ADAM10: variants seen among roughly 807,000 people sequenced by gnomAD.
The protein encoded by ADAM10 is ADAM metallopeptidase domain 10.
In ADAM10, 17 loss-of-function variants were observed where a neutral mutation model predicts 90.1. That is an observed-to-expected ratio of 0.19 (90% CI 0.13 to 0.28). The LOEUF (loss-of-function observed/expected upper bound fraction) is 0.28. Ranked by LOEUF, ADAM10 falls within the 10% of genes least tolerant of loss-of-function variation. The probability of loss-of-function intolerance (pLI) is 1.00; values close to 1 mark genes in which losing one functional copy is unlikely to be tolerated. For synonymous variants in ADAM10, 310 were observed against 298.6 expected, an observed-to-expected ratio of 1.04 and a Z score of -0.40; for missense variants, 610 against 914.3, an observed-to-expected ratio of 0.67 and a Z score of 4.29.
intron 1 of ADAM10, among the ~76,000 whole-genome samples, chr15:58,739,127 T>A (rs1432768588): frequency 6.6e-6 from 1 of 152,134 alleles, no homozygotes; most frequent in African/African-American, 2.4e-5. Flanking sequence ...GGCCTACTGC[T>A]CCTAGAGATC....
chr15:58,639,739 G>A (rs1001313556), intron 8 of ADAM10, among the ~76,000 whole-genome samples: 1 of 151,912 alleles, frequency 6.6e-6, no homozygotes, highest in Non-Finnish European at 1.5e-5. Flanking sequence ...TAAAAGTATT[G>A]ACTTAAGATA....
At chr15:58,602,593 G>T (rs888448255) in intron 14 of ADAM10, among the ~76,000 whole-genome samples, 22 of 152,022 alleles carry the variant, frequency 1.4e-4, no homozygotes, top group African/African-American at 4.4e-4. Context: ...ATAAAAAAGG[G>T]AAAGAGATAT....
At position 58,685,578 on chromosome 15, in the gene ADAM10, A is replaced by G. The variant is rs866713314; in HGVS notation, c.207-3264T>C. On this transcript the variant is annotated intron_variant, in intron 2 of 15. Coordinates refer to ENST00000260408, the MANE Select transcript of ADAM10 (RefSeq NM_001110.4). ...TATATATATATATATATATATATAT[A>G]TATATGTATATATACATATCTCCAC... is the stretch of plus-strand genomic sequence containing the variant. 6.9e-4 allele frequency among the ~76,000 whole-genome samples: 97 copies of G among 139,652 alleles called. No individual in the cohort carries two copies. The Middle Eastern group carries it at 0.015, about 21-fold the overall frequency. The allele number at this position is 139,652 out of a possible 152,430, so 91.6% of individuals were successfully genotyped here.
intron 2 of ADAM10, among the ~76,000 whole-genome samples, chr15:58,697,628 T>A (rs1353984885): frequency 6.6e-6 from 1 of 152,114 alleles, no homozygotes; most frequent in Non-Finnish European, 1.5e-5. Context: ...ACAGACCACC[T>A]GGGAAACAGA....
chr15:58,734,116 T>C (rs1008849766), intron 1 of ADAM10, among the ~76,000 whole-genome samples: 1 of 152,330 alleles, frequency 6.6e-6, no homozygotes, highest in Admixed American at 6.5e-5. Context: ...TCCTAATTTC[T>C]TAAATGTACC....
At chr15:58,664,548 G>C (rs1897035257) in intron 5 of ADAM10, among the ~76,000 whole-genome samples, 1 of 151,908 alleles carries the variant, frequency 6.6e-6, no homozygotes, top group African/African-American at 2.4e-5. Flanking sequence ...CTTTTAGAAA[G>C]GATGTCCAAA....
intron 3 of ADAM10, among the ~76,000 whole-genome samples, chr15:58,679,668 G>A (rs1258727658): frequency 2.6e-5 from 4 of 152,158 alleles, no homozygotes; most frequent in Non-Finnish European, 5.9e-5. Flanking sequence ...ACTTTGGGGG[G>A]CCGAGGTGGG....
At chr15:58,709,699 C>T (rs1246401546) in intron 2 of ADAM10, among the ~76,000 whole-genome samples, 2 of 152,026 alleles carry the variant, frequency 1.3e-5, no homozygotes, top group African/African-American at 4.8e-5. Flanking sequence ...AAGATTGCAC[C>T]ACTGCACTCC....
intron 1 of ADAM10, 123 bp downstream of exon 1, chr15:58,749,357 G>C (rs1899902227): frequency 1.7e-6 from 2 of 1,184,542 alleles, no homozygotes; most frequent in Admixed American, 4.6e-5. Context: ...GCCCGCCAGA[G>C]TGGCGCCGCT....
chr15:58,729,381 T>G (rs1378931182), intron 1 of ADAM10, among the ~76,000 whole-genome samples: 1 of 152,208 alleles, frequency 6.6e-6, no homozygotes, highest in African/African-American at 2.4e-5. Context: ...ATCTTGTTAA[T>G]TCAAACTGTT....
chr15:58,706,351 G>C (rs572471361), intron 2 of ADAM10, among the ~76,000 whole-genome samples: 1 of 152,198 alleles, frequency 6.6e-6, no homozygotes, highest in African/African-American at 2.4e-5. Context: ...TGACAGGCCT[G>C]GGTTAGTGGT....
At position 58,633,199 on chromosome 15, in the gene ADAM10, G is replaced by A. The variant is rs763116621; in HGVS notation, c.1173C>T (p.Ser391=). Residue 391 remains serine, a synonymous_variant, in exon 9 of 16, where the codon TCC becomes TCT. Coordinates refer to ENST00000260408, the MANE Select transcript of ADAM10 (RefSeq NM_001110.4). ...CTAATAATTAGACAATACTTACTGG[G>A]GATCCAAAGTTATGTCCAACTTCGT... ...FAHEVGHNFG[S]PHDSGTECTP... 1 of 1,610,540 alleles carries A rather than the reference G, an allele frequency of 6.2e-7. No homozygotes were observed.
intron 5 of ADAM10, among the ~76,000 whole-genome samples, chr15:58,656,168 T>A (rs1405073412): frequency 6.6e-6 from 1 of 152,218 alleles, no homozygotes; most frequent in Non-Finnish European, 1.5e-5. Flanking sequence ...GAATATCTTT[T>A]TCCACCATTT....
At chr15:58,601,247 A>C (rs1181328828) in intron 14 of ADAM10, among the ~76,000 whole-genome samples, 1 of 152,098 alleles carries the variant, frequency 6.6e-6, no homozygotes, top group African/African-American at 2.4e-5. Flanking sequence ...GGATCACCTG[A>C]GGTCAGGAGT....
intron 10 of ADAM10, among the ~76,000 whole-genome samples, chr15:58,623,286 T>C (rs1463778122): frequency 1.3e-5 from 2 of 152,152 alleles, no homozygotes; most frequent in African/African-American, 4.8e-5. Context: ...ACAAAGCCAC[T>C]TGGCAACAGG....
chr15:58,684,153 G>A (rs1446234963), intron 2 of ADAM10, among the ~76,000 whole-genome samples: 1 of 152,280 alleles, frequency 6.6e-6, no homozygotes, highest in South Asian at 2.1e-4. Context: ...AAGGAAGAAA[G>A]TGTACATGTT....
intron 4 of ADAM10, among the ~76,000 whole-genome samples, chr15:58,666,284 T>C (rs1490355752): frequency 1.3e-5 from 2 of 150,316 alleles, no homozygotes; most frequent in South Asian, 2.1e-4. Context: ...AGGGAGTTGA[T>C]GGTGAATGCA....
rs1472375867 is a variant in ADAM10, at chr15:58,627,818, A to G, written c.1242T>C (p.Asn414=). ...SKNLGQKENG[N]YIMYARATSG... is the part of the protein sequence containing the mutation. ...ATGTTGCTCTTGCATACATGATGTA[A>G]TTGCCATTTTCTTTTTGACCCAAAT... is the stretch of plus-strand genomic sequence containing the variant. The change falls in exon 10 of 16, where the codon AAT becomes AAC. Residue 414 remains asparagine, a synonymous_variant. Coordinates refer to ENST00000260408, the MANE Select transcript of ADAM10 (RefSeq NM_001110.4). 5 of 1,613,658 alleles carry G rather than the reference A, an allele frequency of 3.1e-6. No homozygotes were observed. Among genetic ancestry groups the G allele is most frequent in the Non-Finnish European group, 8.5e-7 (1 of 1,179,810 alleles).
chr15:58,732,076 T>C (rs1246805268), intron 1 of ADAM10: 1 of 152,218 alleles, frequency 6.6e-6, no homozygotes, highest in African/African-American at 2.4e-5. Context: ...ACTTCTTGAA[T>C]AGCTTTGAAG....
Sources: gnomAD v4.1 joint callset for allele counts (sites outside exome capture counted in the v4.1 genomes callset) on GRCh38, gnomAD v4.1.1 for gene constraint, MANE v1.5 for transcripts, NCBI Gene and HGNC (gene_info 2026-07-23, HGNC 2026-07-21) for gene names.